CIAO1: variants seen among roughly 807,000 people sequenced by gnomAD.
CIAO1 encodes probable cytosolic iron-sulfur protein assembly protein CIAO1.
A neutral mutation model predicts 43.1 loss-of-function variants in CIAO1; 32 were observed. The observed-to-expected ratio is 0.74, with a 90% CI of 0.56 to 1.00. The LOEUF is 1.00. Among genes scored for constraint, CIAO1 ranks in the 50% least tolerant of loss-of-function variants. The probability of loss-of-function intolerance (pLI) is 0.00; values close to 1 mark genes in which losing one functional copy is unlikely to be tolerated. For missense variants in CIAO1, 415 were observed against 437.4 expected (o/e 0.95, Z 0.46); for synonymous variants, 183 against 171.4 (o/e 1.07, Z -0.53).
At position 96,274,057 on chromosome 2, in the gene CIAO1, AT is replaced by A. The variant is rs1684608091; in HGVS notation, c.*2707del. On this transcript the variant is annotated 3_prime_UTR_variant, in exon 7 of 7. Coordinates refer to ENST00000488633, the MANE Select transcript of CIAO1 (RefSeq NM_004804.3). Reference sequence around the variant, plus strand: ...AACTCTGTCTCTATTAAGAAAAAAAATGTTAACATTATGATTTAAAAGTGCA... The same window carrying A: ...AACTCTGTCTCTATTAAGAAAAAAAAGTTAACATTATGATTTAAAAGTGCA... Among the ~76,000 whole-genome samples, 1 of 152,094 alleles carries A rather than the reference AT, an allele frequency of 6.6e-6. No individual in the cohort carries two copies. The highest frequency in any genetic ancestry group is 1.5e-5 in the Non-Finnish European group (1 of 68,020).
At chr2:96,266,606 T>A (rs992238439) in intron 1 of CIAO1, 117 bp downstream of exon 1, 1 of 1,144,570 alleles carries the variant, frequency 8.7e-7, no homozygotes, top group Non-Finnish European at 1.1e-6. Flanking sequence ...GAGTGGGATG[T>A]TAGCCACGCC....
chr2:96,267,239 G>T, intron 1 of CIAO1, 82 bp from the exon 2 acceptor site: 1 of 1,359,274 alleles, frequency 7.4e-7, no homozygotes, highest in Non-Finnish European at 9.8e-7. Flanking sequence ...CCACTAGCTT[G>T]ATTCCAGTGC....
At chr2:96,266,523 C>G (rs759774557) in intron 1 of CIAO1, 34 bp downstream of exon 1, 3 of 1,416,100 alleles carry the variant, frequency 2.1e-6, no homozygotes, top group South Asian at 3.0e-5. Flanking sequence ...GCCCTCAGCG[C>G]TGAGGGCTCA....
rs765496479 is a variant in CIAO1 at position 96,267,848 on chromosome 2, A to G, written c.413A>G (p.Asp138Gly). ...SVWVWEVDEE[D>G]EYECVSVLNS... Reference sequence around the variant, plus strand: ...TTCTCTCCCACAGTTGATGAAGAGGATGAGTATGAATGTGTCAGTGTTCTC... The same window carrying G: ...TTCTCTCCCACAGTTGATGAAGAGGGTGAGTATGAATGTGTCAGTGTTCTC... The change falls in exon 4 of 7, where the codon GAT (aspartate) becomes GGT (glycine). Residue 138 changes from aspartate (D) to glycine (G), a missense_variant. Transcript: ENST00000488633. The G allele has an allele frequency of 6.2e-7, 1 of 1,613,890 alleles. No individual in the cohort carries two copies.
Position 96,268,623 on chromosome 2 carries a change from G to T in CIAO1, c.656G>T (p.Arg219Leu). The change falls in exon 5 of 7, where the codon CGT (arginine) becomes CTT (leucine). Residue 219 changes from arginine to leucine, a missense_variant. Arg to Leu is a moderately radical substitution (Grantham distance 102). Transcript: ENST00000488633. ...TCTTGTAGTGATGACCGTACTGTGC[G>T]TATCTGGCGTCAGTATCTACCAGGC... The part of the protein sequence containing the change: ...LASCSDDRTV[R>L]IWRQYLPGNE... 6.2e-7 allele frequency: 1 copy of T among 1,614,190 alleles called. No homozygotes were observed. Among genetic ancestry groups the T allele is most frequent in the South Asian group, 1.1e-5 (1 of 91,086 alleles).
chr2:96,267,779 G>GC, intron 3 of CIAO1, 43 bp downstream of exon 3: 1 of 1,611,448 alleles, frequency 6.2e-7, no homozygotes, highest in East Asian at 2.2e-5. Flanking sequence ...CCACCTGACA[G>GC]CCCCCTCTGT....
chr2:96,267,387 G>A lies in CIAO1; in HGVS notation c.206G>A (p.Trp69Ter). ...CAGCGCACCGTGCGGAAGGTAGCCT[G>A]GTCCCCCTGCGGTAATTACCTGGCC... Reference protein sequence around the residue: ...GHQRTVRKVAWSPCGNYLASA... With the variant: ...GHQRTVRKVA Residue 69 changes from tryptophan to a stop codon, truncating the protein, a stop_gained, in exon 2 of 7, where the codon TGG (tryptophan) becomes TAG (stop). Coordinates refer to ENST00000488633, the MANE Select transcript of CIAO1 (RefSeq NM_004804.3). LOFTEE classifies it high-confidence loss of function. The A allele has an allele frequency of 6.2e-7, 1 of 1,614,212 alleles. No individual in the cohort carries two copies. The highest frequency in any genetic ancestry group is 1.1e-5 in the South Asian group (1 of 91,088).
At position 96,271,433 on chromosome 2, in the gene CIAO1, A is replaced by G. The variant is rs1408309008; in HGVS notation, c.*82A>G. 6.6e-7 allele frequency: 1 copy of G among 1,518,040 alleles called. No homozygotes were observed. The highest frequency in any genetic ancestry group is 8.9e-7 in the Non-Finnish European group (1 of 1,124,868). The allele number at this position is 1,518,040 out of a possible 1,614,324, so 94.0% of individuals were successfully genotyped here. A position where few individuals can be genotyped will look rare whatever the true frequency, so the allele number is the denominator to read the frequency against. ...ACCAGCCCCTGAGAGGACCAGGAGG[A>G]GCATCCTTGACCTTCATTTAACTTG... is the stretch of plus-strand genomic sequence containing the variant. On this transcript the variant is annotated 3_prime_UTR_variant, in exon 7 of 7. Coordinates refer to ENST00000488633, the MANE Select transcript of CIAO1 (RefSeq NM_004804.3).
intron 1 of CIAO1, among the ~76,000 whole-genome samples, chr2:96,266,970 A>G (rs1396380186): frequency 6.6e-5 from 10 of 152,124 alleles, no homozygotes; most frequent in Non-Finnish European, 1.0e-4. Flanking sequence ...CCCCGTCTCT[A>G]CTAAAACTAC....
At position 96,271,954 on chromosome 2, in the gene CIAO1, ATG is replaced by A. The variant is rs1300874193; in HGVS notation, c.*604_*605del. On this transcript the variant is annotated 3_prime_UTR_variant, in exon 7 of 7. Coordinates refer to ENST00000488633, the MANE Select transcript of CIAO1 (RefSeq NM_004804.3). ...GATGGCAACTGGGGATAGAAAAAAA[ATG>A]GGGAAAGACAGGAATCCTAAAAGGG... is the stretch of plus-strand genomic sequence containing the variant. 1 of 152,230 alleles carries A rather than the reference ATG, an allele frequency of 6.6e-6. No individual in the cohort carries two copies. The highest frequency in any genetic ancestry group is 1.5e-5 in the Non-Finnish European group (1 of 68,084). The allele number at this position is 152,230 out of a possible 1,614,324, so 9.4% of individuals were successfully genotyped here. A position where few individuals can be genotyped will look rare whatever the true frequency, so the allele number is the denominator to read the frequency against.
chr2:96,271,275 A>G lies in CIAO1; in HGVS notation c.944A>G (p.Glu315Gly). The G allele has an allele frequency of 6.2e-7, 1 of 1,614,242 alleles. No individual in the cohort carries two copies. Among genetic ancestry groups the G allele is most frequent in the South Asian group, 1.1e-5 (1 of 91,080 alleles). Residue 315 changes from glutamate (E) to glycine (G), a missense_variant, in exon 7 of 7, where the codon GAG becomes GGG. Physicochemically the swap from Glu to Gly is moderately conservative, Grantham distance 98. Transcript: ENST00000488633. ...DVNCVAWNPK[E>G]PGLLASCSDD... ...AACTGTGTGGCCTGGAACCCCAAGG[A>G]GCCAGGGCTACTGGCCTCCTGCAGT...
intron 6 of CIAO1, 108 bp from the exon 7 acceptor site, chr2:96,271,003 T>G: frequency 7.1e-7 from 1 of 1,401,268 alleles, no homozygotes; most frequent in South Asian, 1.3e-5. Flanking sequence ...TAATAAGAGG[T>G]TTTTAGCTGA....
Position 96,267,862 on chromosome 2 carries a change from G to A in CIAO1, c.427G>A (p.Val143Ile), listed in dbSNP as rs756574386. 1.2e-6 allele frequency: 2 copies of A among 1,614,050 alleles called. No individual in the cohort carries two copies. Among genetic ancestry groups the A allele is most frequent in the African/African-American group, 2.7e-5 (2 of 74,914 alleles). Residue 143 changes from valine to isoleucine, a missense_variant, in exon 4 of 7, where the codon GTC (valine) becomes ATC (isoleucine). By Grantham distance (29) the Val-to-Ile change is conservative. Transcript: ENST00000488633. ...EVDEEDEYEC[V>I]SVLNSHTQDV... ...TGATGAAGAGGATGAGTATGAATGT[G>A]TCAGTGTTCTCAACTCCCACACACA...
chr2:96,270,350 C>G (rs1299947902), intron 6 of CIAO1, among the ~76,000 whole-genome samples: 2 of 151,984 alleles, frequency 1.3e-5, no homozygotes, highest in Non-Finnish European at 2.9e-5. Context: ...ACTAAAAATA[C>G]AAAAATTAGC....
rs149742815 is a variant in CIAO1, at chr2:96,271,918, C to T, written c.*567C>T. On this transcript the variant is annotated 3_prime_UTR_variant, in exon 7 of 7. Transcript: ENST00000488633. ...GCAACCCTCATATACCTCCCTGCAC[C>T]GTTACGCTGTGATGGCAACTGGGGA... 2.7e-4 allele frequency: 41 copies of T among 152,426 alleles called. No individual in the cohort carries two copies. Among genetic ancestry groups the T allele is most frequent in the African/African-American group, 9.6e-4 (40 of 41,502 alleles). 9.4% of individuals were successfully genotyped at this position (152,426 alleles called of 1,614,324 possible). A position where few individuals can be genotyped will look rare whatever the true frequency, so the allele number is the denominator to read the frequency against.
chr2:96,270,876 G>T (rs1367997896), intron 6 of CIAO1, among the ~76,000 whole-genome samples: 2 of 151,848 alleles, frequency 1.3e-5, no homozygotes, highest in Non-Finnish European at 2.9e-5. Context: ...GGAAAGTGCA[G>T]TTCATAATTG....
rs1224338714 is a variant in CIAO1 at position 96,271,161 on chromosome 2, G to A, written c.830G>A (p.Arg277His). ...LATACGDDAI[R>H]VFQEDPNSDP... ...ACAGCTTGTGGGGATGACGCGATCC[G>A]CGTGTTTCAGGAGGATCCCAACTCG... Residue 277 changes from arginine to histidine, a missense_variant, in exon 7 of 7, where the codon CGC becomes CAC. Transcript: ENST00000488633. 1.4e-5 allele frequency: 22 copies of A among 1,614,098 alleles called. No individual in the cohort carries two copies. The highest frequency in any genetic ancestry group is 1.7e-5 in the Admixed American group (1 of 60,008).
rs1025433059 is a variant in CIAO1, at chr2:96,272,311, C to T, written c.*960C>T. On this transcript the variant is annotated 3_prime_UTR_variant, in exon 7 of 7. Transcript: ENST00000488633. ...GCCTTCCCTGAAGTTTAAGCTGTGA[C>T]CTTAGATTTTAGAAGGACAGTGGGG... 1.2e-4 allele frequency: 18 copies of T among 152,146 alleles called. No homozygotes were observed. Among genetic ancestry groups the T allele is most frequent in the African/African-American group, 3.9e-4 (16 of 41,414 alleles). 9.4% of individuals were successfully genotyped at this position (152,146 alleles called of 1,614,324 possible).
At position 96,267,928 on chromosome 2, in the gene CIAO1, A is replaced by G; in HGVS notation, c.489+4A>G. ...GGTTTGGCACCCAAGTCAGGAGGTA[A>G]GAGTCAAGCAGGGACTCTTGTGGGA... On this transcript the variant is annotated splice_donor_region_variant and intron_variant, in intron 4 of 6. Transcript: ENST00000488633. 1.2e-6 allele frequency: 2 copies of G among 1,612,674 alleles called. No homozygotes were observed. The highest frequency in any genetic ancestry group is 1.7e-6 in the Non-Finnish European group (2 of 1,178,766).
Sources: allele counts gnomAD v4.1 joint callset (sites outside exome capture counted in the v4.1 genomes callset), GRCh38; gene constraint gnomAD v4.1.1; transcripts MANE v1.5; gene names NCBI Gene and HGNC (gene_info 2026-07-23, HGNC 2026-07-21).